POLA1: variants seen among roughly 807,000 people sequenced by gnomAD.
The protein encoded by POLA1 is DNA polymerase alpha catalytic subunit.
A neutral mutation model predicts 124.0 loss-of-function variants in POLA1; 15 were observed. The ratio of observed to expected loss-of-function variants is 0.12; its 90% CI spans 0.08 to 0.19. POLA1 has a LOEUF of 0.19. Among genes scored for constraint, POLA1 ranks in the 10% least tolerant of loss-of-function variants. The pLI is 1.00. For missense variants in POLA1, 886 were observed against 1,103.4 expected, an observed-to-expected ratio of 0.80 and a Z score of 2.79; for synonymous variants, 408 against 389.4, an observed-to-expected ratio of 1.05 and a Z score of -0.56.
chrX:24,908,245 A>AT (rs1285417197), intron 35 of POLA1, among the ~76,000 whole-genome samples: 13 of 110,365 alleles, frequency 1.2e-4, no homozygotes, highest in Non-Finnish European at 2.5e-4. Context: ...CTTTCGTGTA[A>AT]TTTCTTTTTT....
intron 4 of POLA1, 27 bp downstream of exon 4, chrX:24,704,496 T>C (rs759576945): frequency 3.0e-6 from 3 of 1,012,613 alleles, no homozygotes; most frequent in South Asian, 3.9e-5. Context: ...TTCCAGGGTG[T>C]TGTTTTGAGA....
chrX:24,970,426 A>G (rs1027460584), intron 36 of POLA1, among the ~76,000 whole-genome samples: 1 of 112,454 alleles, frequency 8.9e-6, no homozygotes, highest in African/African-American at 3.2e-5. Context: ...CGCAAAAGCA[A>G]TTGCAACAAA....
chrX:24,839,397 A>T (rs2046382243), intron 32 of POLA1, among the ~76,000 whole-genome samples: 1 of 112,327 alleles, frequency 8.9e-6, no homozygotes, highest in African/African-American at 3.2e-5. Context: ...ATGGATATTT[A>T]GGGTAGACAT....
intron 35 of POLA1, among the ~76,000 whole-genome samples, chrX:24,926,981 G>A (rs1018247026): frequency 4.6e-5 from 5 of 107,563 alleles, no homozygotes; most frequent in Admixed American, 4.1e-4. Flanking sequence ...ACAGCCATGC[G>A]CCACCACACC....
chrX:24,885,900 A>C (rs781012477), intron 34 of POLA1, among the ~76,000 whole-genome samples: 2 of 112,525 alleles, frequency 1.8e-5, no homozygotes, highest in Non-Finnish European at 3.8e-5. Context: ...GAAGGAAACT[A>C]AAGTACATTA....
chrX:24,773,905 G>A (rs1258685592), intron 26 of POLA1, among the ~76,000 whole-genome samples: 1 of 111,738 alleles, frequency 8.9e-6, no homozygotes, highest in Non-Finnish European at 1.9e-5. Flanking sequence ...GTAGAGATAC[G>A]GTTTATTGAT....
At chrX:24,794,055 C>T (rs955204521) in intron 26 of POLA1, among the ~76,000 whole-genome samples, 11 of 111,083 alleles carry the variant, frequency 9.9e-5, no homozygotes, top group African/African-American at 3.6e-4. Flanking sequence ...TGGCTCACTG[C>T]AACCTCCACC....
chrX:24,751,197 T>TA (rs911080858), intron 26 of POLA1, among the ~76,000 whole-genome samples: 4 of 111,322 alleles, frequency 3.6e-5, no homozygotes, highest in African/African-American at 1.3e-4. Context: ...TCCCTGTTGT[T>TA]ACATTTTCCA....
At chrX:24,872,718 C>T (rs1300592832) in intron 34 of POLA1, among the ~76,000 whole-genome samples, 2 of 111,339 alleles carry the variant, frequency 1.8e-5, no homozygotes, top group African/African-American at 3.3e-5. Context: ...GGGTAGTTCA[C>T]GTCAGTAGGA....
chrX:24,951,474 T>C (rs1287429285), intron 36 of POLA1, among the ~76,000 whole-genome samples: 1 of 107,812 alleles, frequency 9.3e-6, no homozygotes. Flanking sequence ...CATGCTGTAA[T>C]TCAAATTATC....
At chrX:24,910,398 A>G (rs2047431867) in intron 35 of POLA1, among the ~76,000 whole-genome samples, 1 of 110,322 alleles carries the variant, frequency 9.1e-6, no homozygotes, top group African/African-American at 3.3e-5. Context: ...AGCTCTTATT[A>G]TTTTGAGATA....
intron 26 of POLA1, among the ~76,000 whole-genome samples, chrX:24,794,098 T>G (rs1038327342): frequency 9.0e-6 from 1 of 110,956 alleles, no homozygotes; most frequent in African/African-American, 3.3e-5. Context: ...TGCCCCAGCC[T>G]CCCGAGTAGC....
Position 24,739,658 on chromosome X carries a change from G to A in POLA1, c.2216+108G>A, listed in dbSNP as rs188381541. 7.2e-3 allele frequency: 3,295 copies of A among 459,878 alleles called. 20 individuals carry two copies. The highest frequency in any genetic ancestry group is 7.6e-3 in the Non-Finnish European group (2,119 of 278,148). The allele number at this position is 459,878 out of a possible 1,213,427, so 37.9% of individuals were successfully genotyped here. ...GGACATGAGCCAGTGGTGTTGTAGA[G>A]GGGAAATTGTCTCTACTACTTTCAT... is the stretch of plus-strand genomic sequence containing the variant. On this transcript the variant is annotated intron_variant, in intron 20 of 36. Coordinates refer to ENST00000379068, the MANE Select transcript of POLA1 (RefSeq NM_001330360.2).
At chrX:24,902,024 A>G (rs1051207197) in intron 35 of POLA1, among the ~76,000 whole-genome samples, 2 of 111,178 alleles carry the variant, frequency 1.8e-5, no homozygotes, top group Non-Finnish European at 3.8e-5. Flanking sequence ...ACACACACAC[A>G]CGCACACCCC....
chrX:24,768,753 A>T (rs921252736), intron 26 of POLA1, among the ~76,000 whole-genome samples: 1 of 111,857 alleles, frequency 8.9e-6, no homozygotes, highest in Non-Finnish European at 1.9e-5. Flanking sequence ...GTGTGGTGAA[A>T]TTCCAAGACA....
Position 24,968,492 on chromosome X carries a change from G to C in POLA1, c.4262-27313G>C, listed in dbSNP as rs766033656. ...AGGCGGGCGGATCACAAGGTCAGGA[G>C]ATTGAGACCATCCTGGCTAACACGG... On this transcript the variant is annotated intron_variant, in intron 36 of 36. Coordinates refer to ENST00000379068, the MANE Select transcript of POLA1 (RefSeq NM_001330360.2). Among the ~76,000 whole-genome samples the C allele has an allele frequency of 4.4e-4, 49 of 111,156 alleles. No homozygotes were observed. In the South Asian group the frequency reaches 0.011, roughly 24 times the overall value.
Position 24,693,960 on chromosome X carries a change from C to T in POLA1, c.-2C>T, listed in dbSNP as rs759893008. 89 of 1,193,984 alleles carry T rather than the reference C, an allele frequency of 7.5e-5. No individual in the cohort carries two copies. The highest frequency in any genetic ancestry group is 7.3e-4 in the Admixed American group (32 of 43,999). ...TGGCGCGGAATCGGGAGATTCGGGA[C>T]CATGGCACCTGTGCACGGCGACGAC... On this transcript the variant is annotated 5_prime_UTR_variant, in exon 1 of 37. Coordinates refer to ENST00000379068, the MANE Select transcript of POLA1 (RefSeq NM_001330360.2).
rs11573522 is a variant in POLA1 at position 24,986,121 on chromosome X, G to A, written c.4262-9684G>A. 6.2e-3 allele frequency among the ~76,000 whole-genome samples: 694 copies of A among 111,460 alleles called. 11 individuals are homozygous for A. Among genetic ancestry groups the A allele is most frequent in the Admixed American group, 0.054 (569 of 10,552 alleles). On this transcript the variant is annotated intron_variant, in intron 36 of 36. Coordinates refer to ENST00000379068, the MANE Select transcript of POLA1 (RefSeq NM_001330360.2). ...CGGGAGGCAGAGGTTGCAGTGAGCC[G>A]AGATCGCGCCATTGCACTCCAGCCT... is the stretch of plus-strand genomic sequence containing the variant.
intron 10 of POLA1, among the ~76,000 whole-genome samples, chrX:24,719,624 G>A (rs1352497238): frequency 9.0e-6 from 1 of 111,482 alleles, no homozygotes; most frequent in African/African-American, 3.3e-5. Flanking sequence ...GAGCACAGCA[G>A]TGTGACTGGT....
Sources: allele counts gnomAD v4.1 joint callset (sites outside exome capture counted in the v4.1 genomes callset), GRCh38; gene constraint gnomAD v4.1.1; transcripts MANE v1.5; gene names NCBI Gene and HGNC (gene_info 2026-07-23, HGNC 2026-07-21).